CD36: variants seen among roughly 807,000 people sequenced by gnomAD.
CD36 encodes CD36 molecule (CD36 blood group).
CD36 carries 119 observed loss-of-function variants against 55.2 expected under a neutral mutation model. The observed-to-expected ratio is 2.15, with a 90% CI of 1.86 to 2.51. The LOEUF (loss-of-function observed/expected upper bound fraction) is 2.51. Ranked by LOEUF, CD36 falls within the 30% of genes most tolerant of loss-of-function variation. The pLI, the probability that CD36 is intolerant of heterozygous loss-of-function variation, is 0.00. For missense variants in CD36, 819 were observed against 555.5 expected, an observed-to-expected ratio of 1.47 and a Z score of -4.77; for synonymous variants, 186 against 193.6, an observed-to-expected ratio of 0.96 and a Z score of 0.33.
chr7:80,662,082 G>A (rs1924), intron 5 of CD36, among the ~76,000 whole-genome samples: 20,370 of 152,074 alleles, frequency 0.13, 1,958 homozygotes, highest in East Asian at 0.3. Context: ...ATAGAAAACG[G>A]AAACACAAAA....
At chr7:80,607,711 G>A (rs1185251066) in intron 1 of CD36, among the ~76,000 whole-genome samples, 1 of 152,110 alleles carries the variant, frequency 6.6e-6, no homozygotes, top group Non-Finnish European at 1.5e-5. Context: ...TCAGACCCAT[G>A]TATCTCCATG....
chr7:80,664,601 AG>A, intron 7 of CD36, 104 bp downstream of exon 7: 2 of 754,242 alleles, frequency 2.7e-6, no homozygotes, highest in Non-Finnish European at 4.9e-6. Flanking sequence ...CCTATAGAAC[AG>A]ACCTGGTTAT....
At chr7:80,652,418 A>T (rs568560322) in intron 3 of CD36, among the ~76,000 whole-genome samples, 2 of 152,324 alleles carry the variant, frequency 1.3e-5, no homozygotes, top group Admixed American at 6.5e-5. Context: ...TCTGGGTTTT[A>T]GTTGATGATG....
chr7:80,670,072 C>A, intron 9 of CD36, 50 bp downstream of exon 9: 1 of 1,112,556 alleles, frequency 9.0e-7, no homozygotes, highest in Non-Finnish European at 1.4e-6. Context: ...CCCCAGGTGA[C>A]AAAATGCAGA....
In CD36 at chr7:80,674,082, G is replaced by A. The variant is rs201558608; in HGVS notation, c.1354G>A (p.Gly452Ser). ...GATAGAAATGATCTTACTCAGTGTT[G>A]GTGTGGTGATGTTTGTTGCTTTTAT... is the stretch of plus-strand genomic sequence containing the variant. ...GLIEMILLSV[G>S]VVMFVAFMIS... Residue 452 changes from glycine (G) to serine (S), a missense_variant, in exon 14 of 15, where the codon GGT becomes AGT. Physicochemically the swap from Gly to Ser is moderately conservative, Grantham distance 56. Coordinates refer to ENST00000447544, the MANE Select transcript of CD36 (RefSeq NM_001001548.3). The A allele has an allele frequency of 2.5e-5, 40 of 1,611,962 alleles. No individual in the cohort carries two copies. In the African/African-American group the frequency reaches 4.0e-4, roughly 16 times the overall value.
At chr7:80,660,671 T>TG (rs1230653405) in intron 4 of CD36, among the ~76,000 whole-genome samples, 1 of 152,216 alleles carries the variant, frequency 6.6e-6, no homozygotes, top group Non-Finnish European at 1.5e-5. Flanking sequence ...TTCTTATGCA[T>TG]GCTACCATCT....
chr7:80,672,852 C>T lies in CD36; in HGVS notation c.1199+9C>T, dbSNP rs1797841700. The T allele has an allele frequency of 1.9e-6, 3 of 1,590,800 alleles. No individual in the cohort carries two copies. Among genetic ancestry groups the T allele is most frequent in the Non-Finnish European group, 1.7e-6 (2 of 1,160,458 alleles). The stretch of plus-strand genomic sequence containing the variant: ...CCATCAGAAAAAATTCAGTGAGTCT[C>T]TTGAAAATGGTTATTTTGATATGAT... On this transcript the variant is annotated intron_variant, in intron 12 of 14. Transcript: ENST00000447544.
At chr7:80,625,138 A>G (rs187819855) in intron 1 of CD36, 1 of 152,150 alleles carries the variant, frequency 6.6e-6, no homozygotes, top group African/African-American at 2.4e-5. Flanking sequence ...ATTAGCCATT[A>G]AAGACAGTTT....
At chr7:80,611,884 C>G (rs1792895321) in intron 1 of CD36, among the ~76,000 whole-genome samples, 1 of 152,126 alleles carries the variant, frequency 6.6e-6, no homozygotes, top group Non-Finnish European at 1.5e-5. Context: ...GTGGCTTGGA[C>G]AGTGTTGATA....
At chr7:80,675,228 A>G (rs920130167) in intron 14 of CD36, among the ~76,000 whole-genome samples, 2 of 152,292 alleles carry the variant, frequency 1.3e-5, no homozygotes, top group Admixed American at 1.3e-4. Context: ...CATTATAAAA[A>G]GTTAAATATT....
rs559911410 is a variant in CD36 at position 80,676,227 on chromosome 7, A to G, written c.*1-157A>G. The G allele has an allele frequency of 1.1e-4, 17 of 152,292 alleles. No individual in the cohort carries two copies. The South Asian group carries it at 3.5e-3, about 32-fold the overall frequency. The allele number at this position is 152,292 out of a possible 1,614,324, so 9.4% of individuals were successfully genotyped here. On this transcript the variant is annotated intron_variant, in intron 14 of 14. Transcript: ENST00000447544. ...CAAAGCACACCTTATCTTTTAGTTG[A>G]AGAAATGGTGGCACTATTTCTTTTT...
chr7:80,652,778 A>G (rs201526228), intron 3 of CD36, among the ~76,000 whole-genome samples: 1 of 152,216 alleles, frequency 6.6e-6, no homozygotes, highest in African/African-American at 2.4e-5. Context: ...ATGGAGAAGT[A>G]AATGGTATTA....
At position 80,661,138 on chromosome 7, in the gene CD36, T is replaced by C. The variant is rs772665434; in HGVS notation, c.357T>C (p.Gly119=). ...CAGTCTCTTTCCTGCAGCCCAATGG[T>C]GCCATCTTCGAACCTTCACTATCAG... The part of the protein sequence containing the change: ...DNTVSFLQPN[G]AIFEPSLSVG... Residue 119 remains glycine (G), a synonymous_variant, in exon 5 of 15, where the codon GGT becomes GGC. Transcript: ENST00000447544. 2 of 1,613,978 alleles carry C rather than the reference T, an allele frequency of 1.2e-6. No individual in the cohort carries two copies. Among genetic ancestry groups the C allele is most frequent in the South Asian group, 2.2e-5 (2 of 91,082 alleles).
At chr7:80,607,964 G>A (rs148213565) in intron 1 of CD36, among the ~76,000 whole-genome samples, 18 of 152,146 alleles carry the variant, frequency 1.2e-4, no homozygotes, top group African/African-American at 4.3e-4. Flanking sequence ...TAGACATGGG[G>A]TTTCACTGTG....
At chr7:80,617,474 C>T (rs1793230257) in intron 1 of CD36, among the ~76,000 whole-genome samples, 1 of 151,956 alleles carries the variant, frequency 6.6e-6, no homozygotes, top group South Asian at 2.1e-4. Flanking sequence ...CACCTGTAAT[C>T]CCAGCACTTT....
intron 1 of CD36, among the ~76,000 whole-genome samples, chr7:80,605,133 A>G (rs1792469847): frequency 6.6e-6 from 1 of 152,176 alleles, no homozygotes; most frequent in South Asian, 2.1e-4. Flanking sequence ...AGTAAACTGG[A>G]TATCTACTTT....
upstream of CD36, among the ~76,000 whole-genome samples, chr7:80,637,470 A>G (rs756792841): frequency 6.6e-6 from 1 of 152,062 alleles, no homozygotes; most frequent in Non-Finnish European, 1.5e-5. Context: ...AAAAAAAGTA[A>G]TAGACTTACA....
chr7:80,637,759 A>T (rs1277244257), upstream of CD36, among the ~76,000 whole-genome samples: 2 of 152,110 alleles, frequency 1.3e-5, no homozygotes, highest in African/African-American at 2.4e-5. Context: ...GCATTTATCC[A>T]GCTCTCCTAT....
chr7:80,627,035 C>CTAT (rs1215991559), intron 1 of CD36, among the ~76,000 whole-genome samples: 13 of 151,976 alleles, frequency 8.6e-5, no homozygotes, highest in African/African-American at 3.1e-4. Context: ...CTGAGACAGA[C>CTAT]TATTACAAGG....
Sources: allele counts gnomAD v4.1 joint callset (sites outside exome capture counted in the v4.1 genomes callset), GRCh38; gene constraint gnomAD v4.1.1; transcripts MANE v1.5; gene names NCBI Gene and HGNC (gene_info 2026-07-23, HGNC 2026-07-21).